Variants in WDPCP observed in about 807,000 individuals in gnomAD.
WDPCP encodes WD repeat-containing and planar cell polarity effector protein fritz homolog.
Under a neutral mutation model 93.1 loss-of-function variants are expected in WDPCP, and 71 were observed. The ratio of observed to expected loss-of-function variants is 0.76; its 90% confidence interval spans 0.63 to 0.93. The LOEUF is 0.93. WDPCP is among the 40% of genes least tolerant of loss of function. The pLI is 0.00. For missense variants in WDPCP, 844 were observed against 887.4 expected, an observed-to-expected ratio of 0.95 and a Z score of 0.62; for synonymous variants, 315 against 315.0, an observed-to-expected ratio of 1.00 and a Z score of 0.00.
At chr2:63,637,728 A>G (rs1162636908) in intron 3 of WDPCP, among the ~76,000 whole-genome samples, 1 of 152,200 alleles carries the variant, frequency 6.6e-6, no homozygotes, top group Non-Finnish European at 1.5e-5. Flanking sequence ...CAAAACCACA[A>G]TGAGAGATAA....
intron 1 of WDPCP, among the ~76,000 whole-genome samples, chr2:63,577,029 C>G (rs1229324659): frequency 1.3e-5 from 2 of 152,104 alleles, no homozygotes; most frequent in Non-Finnish European, 2.9e-5. Context: ...TTTCAAATAA[C>G]AGTAATAAAA....
intron 2 of WDPCP, among the ~76,000 whole-genome samples, chr2:63,659,264 G>A (rs112092783): frequency 6.0e-4 from 92 of 152,248 alleles, no homozygotes; most frequent in African/African-American, 2.0e-3. Context: ...AATAATGGTC[G>A]AGAGAAAAAC....
At chr2:63,755,175 C>T (rs990695904) in intron 2 of WDPCP, among the ~76,000 whole-genome samples, 2 of 152,148 alleles carry the variant, frequency 1.3e-5, no homozygotes, top group African/African-American at 4.8e-5. Flanking sequence ...AATCACATTC[C>T]ATCATTTCTG....
intron 12 of WDPCP, among the ~76,000 whole-genome samples, chr2:63,331,598 C>T (rs1687982660): frequency 6.6e-6 from 1 of 152,172 alleles, no homozygotes; most frequent in Non-Finnish European, 1.5e-5. Context: ...AGTTATGTTA[C>T]AATAACTACA....
At chr2:63,704,721 T>C (rs1253954937) in intron 2 of WDPCP, among the ~76,000 whole-genome samples, 1 of 152,254 alleles carries the variant, frequency 6.6e-6, no homozygotes, top group Non-Finnish European at 1.5e-5. Context: ...TGAGGATTTT[T>C]GCATCGATGT....
chr2:63,196,908 C>A (rs1269011943), intron 14 of WDPCP, among the ~76,000 whole-genome samples: 1 of 152,144 alleles, frequency 6.6e-6, no homozygotes, highest in East Asian at 1.9e-4. Context: ...TCTGACTGTT[C>A]AAGACTGCTT....
intron 2 of WDPCP, among the ~76,000 whole-genome samples, chr2:63,695,108 C>T (rs1042525517): frequency 6.6e-6 from 1 of 152,116 alleles, no homozygotes; most frequent in Non-Finnish European, 1.5e-5. Flanking sequence ...TCTTACTTGT[C>T]TTATTTCCCT....
rs1232872852 is a variant in WDPCP, at chr2:63,338,560, AAAAAAAAAAATATAT to A, written c.1749-25264_1749-25250del. On this transcript the variant is annotated intron_variant, in intron 12 of 17. Coordinates refer to ENST00000272321, the MANE Select transcript of WDPCP (RefSeq NM_015910.7). ...AGAGCAAAACTCCATCTAAAAAAAA[AAAAAAAAAAATATAT>A]ATATATATATATATATATATATATA... is the stretch of plus-strand genomic sequence containing the variant. Among the ~76,000 whole-genome samples the A allele has an allele frequency of 2.1e-4, 13 of 60,828 alleles. 2 individuals are homozygous for A. The highest frequency in any genetic ancestry group is 9.4e-4 in the African/African-American group (12 of 12,826). The allele number at this position is 60,828 out of a possible 152,430, so 39.9% of individuals were successfully genotyped here.
At chr2:63,307,498 G>C (rs1232895667) in intron 13 of WDPCP, among the ~76,000 whole-genome samples, 1 of 152,154 alleles carries the variant, frequency 6.6e-6, no homozygotes, top group Non-Finnish European at 1.5e-5. Flanking sequence ...TATACTACAA[G>C]TCTACGGTAA....
chr2:63,157,310 T>C (rs961329176), intron 15 of WDPCP, among the ~76,000 whole-genome samples: 1 of 152,052 alleles, frequency 6.6e-6, no homozygotes, highest in Non-Finnish European at 1.5e-5. Flanking sequence ...GTCTATAGTT[T>C]TTTGTACTTT....
intron 12 of WDPCP, among the ~76,000 whole-genome samples, chr2:63,334,985 A>T (rs1346537098): frequency 3.3e-5 from 5 of 152,202 alleles, no homozygotes; most frequent in African/African-American, 4.8e-5. Flanking sequence ...GACAAAGGAC[A>T]TAACTCAAAG....
chr2:63,313,139 C>G, intron 13 of WDPCP, 109 bp downstream of exon 13: 1 of 994,788 alleles, frequency 1.0e-6, no homozygotes, highest in Non-Finnish European at 1.6e-6. Context: ...AATGCTTTCC[C>G]ACCCTGTGTC....
chr2:63,575,458 A>AGTGTATACACT (rs1558832747), intron 1 of WDPCP, among the ~76,000 whole-genome samples: 10 of 37,740 alleles, frequency 2.6e-4, no homozygotes, highest in African/African-American at 1.3e-3. Flanking sequence ...CTGTATATAC[A>AGTGTATACACT]GTATATATGC....
At chr2:63,294,284 A>C (rs190337873) in intron 13 of WDPCP, among the ~76,000 whole-genome samples, 3 of 151,028 alleles carry the variant, frequency 2.0e-5, no homozygotes, top group Admixed American at 2.0e-4. Context: ...CAGGCAGATC[A>C]CTTGAGGTCA....
At chr2:63,294,729 T>TC (rs1459375885) in intron 13 of WDPCP, among the ~76,000 whole-genome samples, 9 of 151,660 alleles carry the variant, frequency 5.9e-5, no homozygotes, top group Admixed American at 5.9e-4. Context: ...CTCAAAGCCA[T>TC]ACAAAGAAAA....
At chr2:63,194,153 C>T (rs530633042) in intron 14 of WDPCP, among the ~76,000 whole-genome samples, 1 of 152,046 alleles carries the variant, frequency 6.6e-6, no homozygotes, top group African/African-American at 2.4e-5. Flanking sequence ...TTAGTTCACA[C>T]TTTGTTGTCC....
Position 63,597,539 on chromosome 2 carries a change from G to A in WDPCP, n.488+53120C>T. 6.8e-7 allele frequency: 1 copy of A among 1,480,384 alleles called. No individual in the cohort carries two copies. The highest frequency in any genetic ancestry group is 9.0e-7 in the Non-Finnish European group (1 of 1,105,580). 91.7% of individuals were successfully genotyped at this position (1,480,384 alleles called of 1,614,324 possible). A position where few individuals can be genotyped will look rare whatever the true frequency, so the allele number is the denominator to read the frequency against. On this transcript the variant is annotated intron_variant and non_coding_transcript_variant, in intron 3 of 4. Coordinates refer to the WDPCP transcript ENST00000467687. ...TGTGAAAATCTTCAAATCCCAGGGT[G>A]CAGCCTTAGATAAATACGCCAAGAA...
chr2:63,777,538 G>C (rs545368464), intron 2 of WDPCP, among the ~76,000 whole-genome samples: 1 of 152,130 alleles, frequency 6.6e-6, no homozygotes, highest in Admixed American at 6.5e-5. Flanking sequence ...GCAGGTGAAT[G>C]AATAAACAAA....
Position 63,588,418 on chromosome 2 carries a change from C to A in WDPCP, c.-147G>T. The stretch of plus-strand genomic sequence containing the variant: ...GGTGCTACAAAGCAGCCAGGGTGTG[C>A]GTGCGCTCCCGCCTCGTCGCTTAGC... On this transcript the variant is annotated 5_prime_UTR_variant, in exon 1 of 18. Coordinates refer to ENST00000272321, the MANE Select transcript of WDPCP (RefSeq NM_015910.7). The A allele has an allele frequency of 1.1e-6, 1 of 883,014 alleles. No homozygotes were observed. Among genetic ancestry groups the A allele is most frequent in the Non-Finnish European group, 1.9e-6 (1 of 539,244 alleles). The allele number at this position is 883,014 out of a possible 1,614,324, so 54.7% of individuals were successfully genotyped here. A position where few individuals can be genotyped will look rare whatever the true frequency, so the allele number is the denominator to read the frequency against.
Sources: allele counts gnomAD v4.1 joint callset (sites outside exome capture counted in the v4.1 genomes callset), GRCh38; gene constraint gnomAD v4.1.1; transcripts MANE v1.5; gene names NCBI Gene and HGNC (gene_info 2026-07-23, HGNC 2026-07-21).